LAMA5: variants seen among roughly 807,000 people sequenced by gnomAD.
LAMA5 encodes the protein laminin subunit alpha-5.
Under a neutral mutation model 433.4 loss-of-function variants are expected in LAMA5, and 260 were observed. The observed-to-expected ratio is 0.60, with a 90% CI of 0.54 to 0.66. The LOEUF (loss-of-function observed/expected upper bound fraction) is 0.66, where lower values mean the gene tolerates loss of function less well. LAMA5 is among the 30% of genes least tolerant of loss of function. LAMA5 has a pLI of 0.00. For synonymous variants in LAMA5, 2,620 were observed against 2,226.6 expected (o/e 1.18, Z -4.97); for missense variants, 5,378 against 5,258.5 (o/e 1.02, Z -0.70).
Position 62,359,176 on chromosome 20 carries a change from C to A in LAMA5, c.450+3224G>T, listed in dbSNP as rs549546979. 6.6e-6 allele frequency among the ~76,000 whole-genome samples: 1 copy of A among 152,288 alleles called. No homozygotes were observed. The highest frequency in any genetic ancestry group is 6.5e-5 in the Admixed American group (1 of 15,310). On this transcript the variant is annotated intron_variant, in intron 2 of 79. Transcript: ENST00000252999. This position sits in a 1 kb window ranked among gnomAD's most constrained non-coding sequence, Gnocchi z 4.3. ...CAGGGGCCTCCCTACCGGAAGGGGG[C>A]CCGTGCGTCCTCACTCCTCATCTGA...
At chr20:62,346,299 C>T (rs996325998) in intron 9 of LAMA5, 84 bp from the exon 10 acceptor site, 27 of 1,513,744 alleles carry the variant, frequency 1.8e-5, no homozygotes, top group Non-Finnish European at 2.2e-5. Context: ...TCTACCTCCC[C>T]AGCCAGGGCC....
In LAMA5 at chr20:62,351,719, G is replaced by A. The variant is rs753213110; in HGVS notation, c.941C>T (p.Pro314Leu). 28 of 1,611,660 alleles carry A rather than the reference G, an allele frequency of 1.7e-5. No homozygotes were observed. In the Admixed American group the frequency reaches 4.2e-4, roughly 24 times the overall value. Residue 314 changes from proline to leucine, a missense_variant, in exon 6 of 80, where the codon CCC becomes CTC. Physicochemically the swap from Pro to Leu is moderately conservative, Grantham distance 98. Coordinates refer to ENST00000252999, the MANE Select transcript of LAMA5 (RefSeq NM_005560.6). ...GGGGCCTCACCTGAACGGGTCCGTG[G>A]GGTCTTTGGCATCGCAGGCATCCGC... The part of the protein sequence containing the change: ...GHADACDAKD[P>L]TDPFRLQCTC...
rs140181393 is a variant in LAMA5 at position 62,312,183 on chromosome 20, C to T, written c.9494G>A (p.Arg3165Gln). ...SAQDSALLYY[R>Q]ASPDGLCQVS... Reference sequence around the variant, plus strand: ...GGTGTGAGGTCTCACCGGGGACGCCCGGTAGTAGAGCAGGGCACTGTCCTG... The same window carrying T: ...GGTGTGAGGTCTCACCGGGGACGCCTGGTAGTAGAGCAGGGCACTGTCCTG... Residue 3165 changes from arginine (R) to glutamine (Q), a missense_variant, in exon 69 of 80, where the codon CGG becomes CAG. Arg to Gln is a conservative substitution (Grantham distance 43). Transcript: ENST00000252999. 31,581 of 1,610,376 alleles carry T rather than the reference C, an allele frequency of 0.02. 372 individuals are homozygous for T. The highest frequency in any genetic ancestry group is 0.023 in the Non-Finnish European group (26,946 of 1,179,052).
Position 62,316,852 on chromosome 20 carries a change from C to A in LAMA5, c.7653+30G>T, listed in dbSNP as rs770095649. ...GGTGCAGGCAGTGGGGGCGCTCCTG[C>A]TGGGGCTGAGGGGAAGTGAGGGGCC... On this transcript the variant is annotated intron_variant, in intron 56 of 79. Transcript: ENST00000252999. The A allele has an allele frequency of 3.9e-6, 6 of 1,536,030 alleles. No homozygotes were observed. In the South Asian group the frequency reaches 5.9e-5, roughly 15 times the overall value.
In LAMA5 at chr20:62,312,952, C is replaced by T; in HGVS notation, c.9014G>A (p.Gly3005Glu). 1.9e-6 allele frequency: 3 copies of T among 1,583,248 alleles called. No individual in the cohort carries two copies. Among genetic ancestry groups the T allele is most frequent in the Non-Finnish European group, 1.7e-6 (2 of 1,163,002 alleles). ...TGGGACGGCCTTTTTCAGGCCAGCC[C>T]CAAAGTCATACAACAGCACGAGGCT... Reference protein sequence around the residue: ...EGSLVLLYDFGAGLKKAVPLQ... With the variant: ...EGSLVLLYDFEAGLKKAVPLQ... The change falls in exon 66 of 80, where the codon GGG becomes GAG. Residue 3005 changes from glycine to glutamate, a missense_variant. Coordinates refer to ENST00000252999, the MANE Select transcript of LAMA5 (RefSeq NM_005560.6).
intron 18 of LAMA5, 30 bp downstream of exon 18, chr20:62,336,310 C>T: frequency 2.7e-6 from 4 of 1,494,954 alleles, no homozygotes; most frequent in Non-Finnish European, 3.7e-6. Context: ...CAAGGAACCC[C>T]TGTACCCCAA....
chr20:62,318,126 G>A (rs1345604851), intron 53 of LAMA5, among the ~76,000 whole-genome samples: 1 of 14,412 alleles, frequency 6.9e-5, no homozygotes, highest in South Asian at 1.3e-3. Context: ...AAAGGGATGA[G>A]GATTGGGGAG....
chr20:62,341,734 A>G (rs1487293039), intron 11 of LAMA5, among the ~76,000 whole-genome samples: 5 of 152,102 alleles, frequency 3.3e-5, no homozygotes, highest in South Asian at 2.1e-4. Flanking sequence ...CAACTAAAGA[A>G]AGAAAAACCT....
intron 48 of LAMA5, 23 bp from the exon 49 acceptor site, chr20:62,320,913 G>A: frequency 1.3e-6 from 2 of 1,598,420 alleles, no homozygotes; most frequent in Non-Finnish European, 1.7e-6. Flanking sequence ...TGGGGTCACA[G>A]GTCAGTGTCA....
intron 51 of LAMA5, among the ~76,000 whole-genome samples, chr20:62,319,431 C>G (rs138905557): frequency 2.0e-4 from 31 of 152,074 alleles, no homozygotes; most frequent in African/African-American, 6.5e-4. Context: ...TCTGTGAGCG[C>G]GAACATCTAA....
Position 62,326,898 on chromosome 20 carries a change from G to T in LAMA5, c.5181C>A (p.Val1727=). ...CCACATCCGGCCTGCTCTCCATGGGGACAAAGACATCTCCCCGCTGGGTCT... is the reference window on the plus strand; with the variant it reads ...CCACATCCGGCCTGCTCTCCATGGGTACAAAGACATCTCCCCGCTGGGTCT... The part of the protein sequence containing the change: ...HSETQRGDVF[V]PMESRPDVVL... Residue 1727 remains valine, a synonymous_variant, in exon 39 of 80, where the codon GTC becomes GTA. Transcript: ENST00000252999. 6.2e-7 allele frequency: 1 copy of T among 1,612,420 alleles called. No individual in the cohort carries two copies. The highest frequency in any genetic ancestry group is 8.5e-7 in the Non-Finnish European group (1 of 1,179,476).
At chr20:62,326,235 A>AC (rs201506507) in intron 40 of LAMA5, among the ~76,000 whole-genome samples, 256 of 23,144 alleles carry the variant, frequency 0.011, no homozygotes, top group East Asian at 0.027. Flanking sequence ...AAACAAACAA[A>AC]AAAAAAAAAA....
rs749743328 is a variant in LAMA5, at chr20:62,325,458, C to T, written c.5387G>A (p.Arg1796His). 50 of 1,612,484 alleles carry T rather than the reference C, an allele frequency of 3.1e-5. No individual in the cohort carries two copies. The highest frequency in any genetic ancestry group is 1.6e-4 in the Middle Eastern group (1 of 6,082). Residue 1796 changes from arginine (R) to histidine (H), a missense_variant, in exon 41 of 80, where the codon CGT becomes CAT. Coordinates refer to ENST00000252999, the MANE Select transcript of LAMA5 (RefSeq NM_005560.6). ...CGAGGAGATCTGTGAGAAGAGGGCA[C>T]GGATCTGCAGCTGCTCCAGGCTGGC... ...VLASLEQLQI[R>H]ALFSQISSAV...
chr20:62,362,257 C>T, intron 2 of LAMA5, 143 bp downstream of exon 2: 1 of 794,598 alleles, frequency 1.3e-6, no homozygotes, highest in Non-Finnish European at 1.8e-6. Flanking sequence ...GGACTCCCCC[C>T]ACCAAGTCCT....
intron 1 of LAMA5, 22 bp from the exon 2 acceptor site, chr20:62,362,574 C>G (rs1986260631): frequency 1.3e-6 from 2 of 1,501,690 alleles, no homozygotes; most frequent in Admixed American, 4.2e-5. Context: ...ACGGGAGGGT[C>G]AGATAGCCGA....
intron 1 of LAMA5, 57 bp downstream of exon 1, chr20:62,366,892 G>A (rs1986792677): frequency 1.6e-6 from 2 of 1,230,270 alleles, no homozygotes; most frequent in African/African-American, 1.6e-5. Context: ...GGGTCGGGCC[G>A]GTGTTCCGGG....
In LAMA5 at chr20:62,334,949, G is replaced by A. The variant is rs923783781; in HGVS notation, c.2482+72C>T. ...CTGCCCAGGCTGCACTTGTCCCTCCGGGCCTTGGGTTCCCCAGCATAAACC... is the reference window on the plus strand; with the variant it reads ...CTGCCCAGGCTGCACTTGTCCCTCCAGGCCTTGGGTTCCCCAGCATAAACC... On this transcript the variant is annotated intron_variant, in intron 20 of 79. Transcript: ENST00000252999. The A allele has an allele frequency of 4.7e-5, 67 of 1,428,498 alleles. No individual in the cohort carries two copies. The African/African-American group carries it at 7.2e-4, about 15-fold the overall frequency. 88.5% of individuals were successfully genotyped at this position (1,428,498 alleles called of 1,614,324 possible). A position where few individuals can be genotyped will look rare whatever the true frequency, so the allele number is the denominator to read the frequency against.
intron 32 of LAMA5, among the ~76,000 whole-genome samples, chr20:62,329,571 A>AGCAGGGT (rs746173929): frequency 4.1e-4 from 62 of 152,252 alleles, no homozygotes; most frequent in Middle Eastern, 3.4e-3. Flanking sequence ...CACCCTGACC[A>AGCAGGGT]GCAGGGTGCA....
rs200205385 is a variant in LAMA5 at position 62,345,888 on chromosome 20, G to A, written c.1418-11C>T. ...AGGACGAGGGCGTCGCTGAGGGGAA[G>A]AGACACGCATGTTGGCCAGGTCTGC... On this transcript the variant is annotated splice_polypyrimidine_tract_variant and intron_variant, in intron 10 of 79. Transcript: ENST00000252999. 2.2e-5 allele frequency: 34 copies of A among 1,555,716 alleles called. No individual in the cohort carries two copies. In the East Asian group the frequency reaches 5.3e-4, roughly 24 times the overall value.
Sources: allele counts gnomAD v4.1 joint callset (sites outside exome capture counted in the v4.1 genomes callset), GRCh38; gene constraint gnomAD v4.1.1; non-coding constraint Gnocchi (gnomAD v3.1); transcripts MANE v1.5; gene names NCBI Gene and HGNC (gene_info 2026-07-23, HGNC 2026-07-21).